EXOC7: variants seen among roughly 807,000 people sequenced by gnomAD.
The protein encoded by EXOC7 is exocyst complex component 7.
EXOC7 carries 51 observed loss-of-function variants against 87.6 expected under a neutral mutation model. The ratio of observed to expected loss-of-function variants is 0.58; its 90% CI spans 0.46 to 0.73. EXOC7 has a LOEUF of 0.73. EXOC7 is among the 30% of genes least tolerant of loss of function. EXOC7 has a pLI of 0.00. For synonymous variants in EXOC7, 327 were observed against 357.1 expected, an observed-to-expected ratio of 0.92 and a Z score of 0.95; for missense variants, 744 against 888.4, an observed-to-expected ratio of 0.84 and a Z score of 2.07.
rs1040829803 is a variant in EXOC7 at position 76,082,184 on chromosome 17, T to C, written c.*1464A>G. 22 of 1,128,888 alleles carry C rather than the reference T, an allele frequency of 1.9e-5. No individual in the cohort carries two copies. The highest frequency in any genetic ancestry group is 8.7e-5 in the Admixed American group (3 of 34,656). 69.9% of individuals were successfully genotyped at this position (1,128,888 alleles called of 1,614,324 possible). A position where few individuals can be genotyped will look rare whatever the true frequency, so the allele number is the denominator to read the frequency against. ...GCTCTCCTGTCCCTGGTCTCCACCA[T>C]GTCCTCCTCCCTTAGAAGAAACAGG... is the stretch of plus-strand genomic sequence containing the variant. On this transcript the variant is annotated 3_prime_UTR_variant, in exon 19 of 19. Coordinates refer to ENST00000589210, the MANE Select transcript of EXOC7 (RefSeq NM_001013839.4).
At chr17:76,087,774 C>G in intron 11 of EXOC7, 54 bp from the exon 12 acceptor site, 2 of 1,535,930 alleles carry the variant, frequency 1.3e-6, no homozygotes, top group Non-Finnish European at 1.8e-6. Flanking sequence ...GGCCGACGGC[C>G]TCCCACAGCG....
In EXOC7 at chr17:76,082,420, G is replaced by A; in HGVS notation, c.*1228C>T. ...GTTCGCTCTTCCGCTCATGTTGAGG[G>A]GACCTTGAAGAACAGCTCCTTTCCC... is the stretch of plus-strand genomic sequence containing the variant. On this transcript the variant is annotated 3_prime_UTR_variant, in exon 19 of 19. Transcript: ENST00000589210. The A allele has an allele frequency of 6.5e-7, 1 of 1,543,852 alleles. No homozygotes were observed. The highest frequency in any genetic ancestry group is 1.4e-5 in the African/African-American group (1 of 72,848).
chr17:76,085,106 T>A, intron 15 of EXOC7: 2 of 582,224 alleles, frequency 3.4e-6, no homozygotes, highest in Non-Finnish European at 6.1e-6. Flanking sequence ...CCCTCTAAAG[T>A]GGCCATAGTG....
Position 76,089,170 on chromosome 17 carries a change from G to A in EXOC7, c.1047+5C>T, listed in dbSNP as rs1464114267. 1.7e-5 allele frequency: 27 copies of A among 1,612,690 alleles called. No individual in the cohort carries two copies. The highest frequency in any genetic ancestry group is 7.7e-5 in the South Asian group (7 of 91,050). Reference sequence around the variant, plus strand: ...GGCTGCAGAGCCCCCGGGGCGGGGCGGGACCTGTATCAGGGAGTCGAAGGT... The same window carrying A: ...GGCTGCAGAGCCCCCGGGGCGGGGCAGGACCTGTATCAGGGAGTCGAAGGT... On this transcript the variant is annotated splice_donor_5th_base_variant and intron_variant, in intron 8 of 18. Coordinates refer to ENST00000589210, the MANE Select transcript of EXOC7 (RefSeq NM_001013839.4).
rs531863619 is a variant in EXOC7, at chr17:76,100,472, CA to C, written c.417+798del. Among the ~76,000 whole-genome samples, 573 of 131,264 alleles carry C rather than the reference CA, an allele frequency of 4.4e-3. 1 individual carries two copies. The highest frequency in any genetic ancestry group is 0.015 in the South Asian group (62 of 4,146). 86.1% of individuals were successfully genotyped at this position (131,264 alleles called of 152,430 possible). ...TGAAATCCCGTTTCTACTAAAACTA[CA>C]AAAAAAAAAAAAAATTAGCCGAGAG... On this transcript the variant is annotated intron_variant, in intron 4 of 18. Coordinates refer to ENST00000589210, the MANE Select transcript of EXOC7 (RefSeq NM_001013839.4).
In EXOC7 at chr17:76,087,684, C is replaced by G; in HGVS notation, c.1399G>C (p.Glu467Gln). 1 of 1,551,394 alleles carries G rather than the reference C, an allele frequency of 6.4e-7. No homozygotes were observed. The highest frequency in any genetic ancestry group is 1.2e-5 in the South Asian group (1 of 84,062). The stretch of plus-strand genomic sequence containing the variant: ...GAGGCCAGCATGGCGCCTGCCGTCT[C>G]CTGGAAGTCCAAAAGCTGCTGCAGG... ...LFLQQLLDFQ[E>Q]TAGAMLASQE... The change falls in exon 12 of 19, where the codon GAG (glutamate) becomes CAG (glutamine). Residue 467 changes from glutamate (E) to glutamine (Q), a missense_variant. Physicochemically the swap from Glu to Gln is conservative, Grantham distance 29. This residue lies in a region of EXOC7 where 228 missense variants were observed against 298.6 expected (regional missense o/e 0.76). Transcript: ENST00000589210.
intron 10 of EXOC7, 112 bp from the exon 11 acceptor site, chr17:76,088,234 G>T: frequency 8.5e-7 from 1 of 1,180,204 alleles, no homozygotes. Context: ...ACACCTCTCA[G>T]GCACAAAGGC....
chr17:76,081,052 A>C lies in EXOC7; in HGVS notation c.*2596T>G. 1 of 532,082 alleles carries C rather than the reference A, an allele frequency of 1.9e-6. No individual in the cohort carries two copies. The highest frequency in any genetic ancestry group is 3.6e-5 in the East Asian group (1 of 28,012). 33.0% of individuals were successfully genotyped at this position (532,082 alleles called of 1,614,324 possible). On this transcript the variant is annotated 3_prime_UTR_variant, in exon 19 of 19. Transcript: ENST00000589210. ...AAAGTACATTTATTTTTACAATGAA[A>C]GCTCATCTATGAATCTGATAAAGGC...
intron 6 of EXOC7, 27 bp from the exon 7 acceptor site, chr17:76,091,262 G>C (rs2067465855): frequency 1.3e-6 from 2 of 1,599,820 alleles, no homozygotes; most frequent in Non-Finnish European, 1.7e-6. Context: ...ACAGAGAGGA[G>C]ATAAGAAGAC....
rs567520989 is a variant in EXOC7 at position 76,088,660 on chromosome 17, G to A, written c.1201-98C>T. On this transcript the variant is annotated intron_variant, in intron 9 of 18. Coordinates refer to ENST00000589210, the MANE Select transcript of EXOC7 (RefSeq NM_001013839.4). ...CCTAAGCTGCTTCCATGCACCTTCAGAGCAGAAGTGTGGGACAGAGAATGG... is the reference window on the plus strand; with the variant it reads ...CCTAAGCTGCTTCCATGCACCTTCAAAGCAGAAGTGTGGGACAGAGAATGG... 10 of 1,593,890 alleles carry A rather than the reference G, an allele frequency of 6.3e-6. No homozygotes were observed. The Admixed American group carries it at 1.7e-4, about 27-fold the overall frequency.
At chr17:76,087,164 C>T in intron 12 of EXOC7, 1 of 457,806 alleles carries the variant, frequency 2.2e-6, no homozygotes, top group Non-Finnish European at 4.0e-6. Context: ...GGAGAGGGCC[C>T]AGGGACCTCA....
rs985262269 is a variant in EXOC7, at chr17:76,082,114, C to T, written c.*1534G>A. ...CACACCTAGGGCTGGGGTGAGGGCA[C>T]GGAGGTCCAGGTGTGGGTAGAGGCC... On this transcript the variant is annotated 3_prime_UTR_variant, in exon 19 of 19. Transcript: ENST00000589210. 1.7e-5 allele frequency: 26 copies of T among 1,517,192 alleles called. No homozygotes were observed. The highest frequency in any genetic ancestry group is 2.1e-4 in the Middle Eastern group (1 of 4,812). 94.0% of individuals were successfully genotyped at this position (1,517,192 alleles called of 1,614,324 possible). A position where few individuals can be genotyped will look rare whatever the true frequency, so the allele number is the denominator to read the frequency against.
In EXOC7 at chr17:76,082,194, C is replaced by T. The variant is rs2067011309; in HGVS notation, c.*1454G>A. On this transcript the variant is annotated 3_prime_UTR_variant, in exon 19 of 19. Coordinates refer to ENST00000589210, the MANE Select transcript of EXOC7 (RefSeq NM_001013839.4). ...CCCTGGTCTCCACCATGTCCTCCTC[C>T]CTTAGAAGAAACAGGTCTGGGGCAG... 10 of 1,087,520 alleles carry T rather than the reference C, an allele frequency of 9.2e-6. No individual in the cohort carries two copies. In the East Asian group the frequency reaches 2.6e-4, roughly 28 times the overall value. The allele number at this position is 1,087,520 out of a possible 1,614,324, so 67.4% of individuals were successfully genotyped here.
chr17:76,082,712 C>A lies in EXOC7; in HGVS notation c.*936G>T. 6.7e-7 allele frequency: 1 copy of A among 1,502,150 alleles called. No homozygotes were observed. The highest frequency in any genetic ancestry group is 8.9e-7 in the Non-Finnish European group (1 of 1,124,140). 93.1% of individuals were successfully genotyped at this position (1,502,150 alleles called of 1,614,324 possible). The stretch of plus-strand genomic sequence containing the variant: ...AAGTTTGCTTTCCCATGGCTGGGGG[C>A]GGGCCATGACAGGGCCTCTGGATTA... On this transcript the variant is annotated 3_prime_UTR_variant, in exon 19 of 19. Coordinates refer to ENST00000589210, the MANE Select transcript of EXOC7 (RefSeq NM_001013839.4).
intron 2 of EXOC7, among the ~76,000 whole-genome samples, chr17:76,102,711 C>G (rs1316563949): frequency 6.6e-6 from 1 of 152,180 alleles, no homozygotes; most frequent in South Asian, 2.1e-4. Context: ...TTGTGCTTTT[C>G]CAGTCTCCCC....
chr17:76,090,522 G>A (rs974372364), intron 7 of EXOC7: 1 of 1,539,682 alleles, frequency 6.5e-7, no homozygotes, highest in Non-Finnish European at 8.8e-7. Flanking sequence ...GGATGGGGAA[G>A]GGGGCATCGG....
In EXOC7 at chr17:76,103,628, C is replaced by G; in HGVS notation, c.60+5G>C. ...CCTCCCCAGCCTCCCCAGGCCCACG[C>G]CCACCTGCTTCAGCTTGTCCTCAAT... is the stretch of plus-strand genomic sequence containing the variant. On this transcript the variant is annotated splice_donor_5th_base_variant and intron_variant, in intron 1 of 18. Coordinates refer to ENST00000589210, the MANE Select transcript of EXOC7 (RefSeq NM_001013839.4). 6.2e-7 allele frequency: 1 copy of G among 1,613,584 alleles called. No individual in the cohort carries two copies. The highest frequency in any genetic ancestry group is 8.5e-7 in the Non-Finnish European group (1 of 1,179,776).
In EXOC7 at chr17:76,081,304, G is replaced by A. The variant is rs971667291; in HGVS notation, c.*2344C>T. On this transcript the variant is annotated 3_prime_UTR_variant, in exon 19 of 19. Coordinates refer to ENST00000589210, the MANE Select transcript of EXOC7 (RefSeq NM_001013839.4). Reference sequence around the variant, plus strand: ...GATGGAGTTAGAGTTCCAGGCCCACGTGGTGAACGAGATTGTGAGTGTCAA... The same window carrying A: ...GATGGAGTTAGAGTTCCAGGCCCACATGGTGAACGAGATTGTGAGTGTCAA... The A allele has an allele frequency of 5.0e-6, 8 of 1,614,056 alleles. No homozygotes were observed. The highest frequency in any genetic ancestry group is 2.2e-5 in the East Asian group (1 of 44,874).
At chr17:76,096,093 A>G (rs921453112) in intron 5 of EXOC7, among the ~76,000 whole-genome samples, 11 of 152,162 alleles carry the variant, frequency 7.2e-5, no homozygotes, top group African/African-American at 9.7e-5. Flanking sequence ...ACGAGCCACA[A>G]CGTGTTCATG....
Sources: allele counts gnomAD v4.1 joint callset (sites outside exome capture counted in the v4.1 genomes callset), GRCh38; gene constraint gnomAD v4.1.1; regional missense constraint gnomAD v4.1.1; transcripts MANE v1.5; gene names NCBI Gene and HGNC (gene_info 2026-07-23, HGNC 2026-07-21).